The following EZH2 variants were observed in gnomAD, a reference collection of about 807,000 sequenced individuals.
The protein encoded by EZH2 is enhancer of zeste 2 polycomb repressive complex 2 subunit, also known as histone-lysine N-methyltransferase EZH2.
Under a neutral mutation model 98.4 loss-of-function variants are expected in EZH2, and 18 were observed. The observed-to-expected ratio is 0.18, with a 90% CI of 0.13 to 0.27. The LOEUF (loss-of-function observed/expected upper bound fraction) is 0.27. EZH2 is among the 10% of genes least tolerant of loss of function. EZH2 has a pLI of 1.00. For synonymous variants in EZH2, 338 were observed against 312.3 expected, an observed-to-expected ratio of 1.08 and a Z score of -0.87; for missense variants, 470 against 935.1, an observed-to-expected ratio of 0.50 and a Z score of 6.49.
intron 1 of EZH2, among the ~76,000 whole-genome samples, chr7:148,864,440 T>C (rs1393654155): frequency 2.0e-5 from 3 of 152,218 alleles, no homozygotes; most frequent in Non-Finnish European, 2.9e-5. Context: ...CCCAGCACTT[T>C]GGGAGGCTAA....
chr7:148,818,942 A>G (rs1805288567), intron 9 of EZH2: 2 of 429,896 alleles, frequency 4.7e-6, no homozygotes, highest in South Asian at 3.4e-5. Flanking sequence ...TTTATACTTC[A>G]TTCTACAAAA....
rs1354070612 is a variant in EZH2 at position 148,819,696 on chromosome 7, T to TA, written c.908-10dup. 2.5e-6 allele frequency: 4 copies of TA among 1,611,938 alleles called. No individual in the cohort carries two copies. The highest frequency in any genetic ancestry group is 1.7e-6 in the Non-Finnish European group (2 of 1,178,314). ...GGGTGTTGCATGAAAAGCTGCAAAA[T>TA]AAATGAAACAAAGAATCTAATATAA... On this transcript the variant is annotated splice_polypyrimidine_tract_variant and intron_variant, in intron 8 of 19. Coordinates refer to ENST00000320356, the MANE Select transcript of EZH2 (RefSeq NM_004456.5).
Position 148,884,241 on chromosome 7 carries a change from T to A in EZH2, c.-85A>T, listed in dbSNP as rs1234137926. 5.6e-6 allele frequency: 1 copy of A among 177,986 alleles called. No homozygotes were observed. The highest frequency in any genetic ancestry group is 2.4e-5 in the African/African-American group (1 of 42,070). The allele number at this position is 177,986 out of a possible 1,614,324, so 11.0% of individuals were successfully genotyped here. On this transcript the variant is annotated 5_prime_UTR_variant, in exon 1 of 20. Coordinates refer to ENST00000320356, the MANE Select transcript of EZH2 (RefSeq NM_004456.5). Reference sequence around the variant, plus strand: ...GCCGCCGCCGCCGCCGGGGCTCCACTGCCTTCTGAGTCCCACCGGGTGTCG... The same window carrying A: ...GCCGCCGCCGCCGCCGGGGCTCCACAGCCTTCTGAGTCCCACCGGGTGTCG...
intron 4 of EZH2, among the ~76,000 whole-genome samples, chr7:148,830,724 A>G (rs1484047680): frequency 6.6e-6 from 1 of 152,220 alleles, no homozygotes; most frequent in Admixed American, 6.5e-5. Context: ...GACAACAGAG[A>G]AGAAAGAAGA....
chr7:148,863,888 TACA>T (rs1459005469), intron 1 of EZH2, among the ~76,000 whole-genome samples: 30 of 152,244 alleles, frequency 2.0e-4, no homozygotes, highest in Admixed American at 1.4e-3. Flanking sequence ...ATGTGGAAAA[TACA>T]ACAGGTTTTA....
chr7:148,842,791 T>C (rs1164727243), intron 3 of EZH2, among the ~76,000 whole-genome samples: 1 of 150,966 alleles, frequency 6.6e-6, no homozygotes, highest in Non-Finnish European at 1.5e-5. Flanking sequence ...AAGGGACGGG[T>C]ATGGTGACTC....
intron 1 of EZH2, among the ~76,000 whole-genome samples, chr7:148,881,938 A>C (rs1332274228): frequency 7.1e-6 from 1 of 140,646 alleles, no homozygotes; most frequent in Non-Finnish European, 1.5e-5. Context: ...TGTCTCAAAA[A>C]AAAAAAAACA....
At chr7:148,813,318 TATC>T (rs1803668763) in intron 15 of EZH2, among the ~76,000 whole-genome samples, 1 of 130,356 alleles carries the variant, frequency 7.7e-6, no homozygotes, top group African/African-American at 3.1e-5. Flanking sequence ...AGAAAGAACT[TATC>T]ATCTGCCCTA....
At chr7:148,824,630 G>C (rs1807153508) in intron 8 of EZH2, among the ~76,000 whole-genome samples, 1 of 152,112 alleles carries the variant, frequency 6.6e-6, no homozygotes, top group Non-Finnish European at 1.5e-5. Flanking sequence ...ACATTTCTCA[G>C]AATGCATCTC....
At chr7:148,866,722 A>G (rs1172137147) in intron 1 of EZH2, among the ~76,000 whole-genome samples, 2 of 147,058 alleles carry the variant, frequency 1.4e-5, no homozygotes, top group Non-Finnish European at 3.0e-5. Flanking sequence ...ATATATATTT[A>G]TTCCTTTTGT....
rs1459861646 is a variant in EZH2 at position 148,814,095 on chromosome 7, T to G, written c.1715A>C (p.Asn572Thr). The change falls in exon 15 of 20, where the codon AAC becomes ACC. Residue 572 changes from asparagine (N) to threonine (T), a missense_variant. By Grantham distance (65) the Asn-to-Thr change is moderately conservative (BLOSUM62 0). Coordinates refer to ENST00000320356, the MANE Select transcript of EZH2 (RefSeq NM_004456.5). ...CAGGTAGCACGGGCACTGCTTGGTG[T>G]TGCACTGTGCTTTGCAGCGGCATCC... Reference protein sequence around the residue: ...FPGCRCKAQCNTKQCPCYLAV... With the variant: ...FPGCRCKAQCTTKQCPCYLAV... The G allele has an allele frequency of 1.2e-6, 2 of 1,614,012 alleles. No individual in the cohort carries two copies. Among genetic ancestry groups the G allele is most frequent in the Non-Finnish European group, 1.7e-6 (2 of 1,180,024 alleles).
intron 5 of EZH2, 132 bp from the exon 6 acceptor site, chr7:148,829,012 G>A: frequency 1.1e-6 from 1 of 911,500 alleles, no homozygotes; most frequent in East Asian, 2.7e-5. Context: ...GAAATGAGGG[G>A]AGGAAAAGAT....
chr7:148,879,679 C>T (rs1026246698), intron 1 of EZH2, among the ~76,000 whole-genome samples: 1 of 151,884 alleles, frequency 6.6e-6, no homozygotes, highest in African/African-American at 2.4e-5. Context: ...GACAGAGTGA[C>T]ACTGCATCTC....
intron 1 of EZH2, among the ~76,000 whole-genome samples, chr7:148,868,408 G>C (rs914601476): frequency 1.3e-5 from 2 of 152,198 alleles, no homozygotes; most frequent in Non-Finnish European, 2.9e-5. Flanking sequence ...GGGGAAGAGA[G>C]AGCAAAGTGG....
intron 1 of EZH2, among the ~76,000 whole-genome samples, chr7:148,879,911 C>T (rs1820725296): frequency 6.6e-6 from 1 of 151,922 alleles, no homozygotes; most frequent in African/African-American, 2.4e-5. Flanking sequence ...TTGAGATCAA[C>T]GTGGGCAACA....
In EZH2 at chr7:148,845,891, G is replaced by A. The variant is rs766664540; in HGVS notation, c.246+579C>T. On this transcript the variant is annotated intron_variant, in intron 3 of 19. Coordinates refer to ENST00000320356, the MANE Select transcript of EZH2 (RefSeq NM_004456.5). ...CATCTTGCTGCAATCATGTTTTAAC[G>A]GGATATTTAATTATAGATTCTACCA... Among the ~76,000 whole-genome samples the A allele has an allele frequency of 3.9e-5, 6 of 152,150 alleles. No individual in the cohort carries two copies. The East Asian group carries it at 9.6e-4, about 24-fold the overall frequency.
chr7:148,818,202 G>T (rs376717868), intron 9 of EZH2, 85 bp from the exon 10 acceptor site: 10 of 1,383,350 alleles, frequency 7.2e-6, no homozygotes, highest in Admixed American at 5.0e-5. Flanking sequence ...TATAAGCCAG[G>T]TTAGTCAAAA....
intron 15 of EZH2, among the ~76,000 whole-genome samples, chr7:148,813,059 A>ATG (rs1803566222): frequency 6.8e-6 from 1 of 148,086 alleles, no homozygotes; most frequent in African/African-American, 2.5e-5. Context: ...ACATACACAC[A>ATG]CACACACACA....
rs144795939 is a variant in EZH2 at position 148,825,012 on chromosome 7, T to G, written c.907+1442A>C. Reference sequence around the variant, plus strand: ...ATCTCTGAATGGCACAATAAAAAACTTGTAATGTTTAAAAGTAGTGTCCTA... The same window carrying G: ...ATCTCTGAATGGCACAATAAAAAACGTGTAATGTTTAAAAGTAGTGTCCTA... On this transcript the variant is annotated intron_variant, in intron 8 of 19. Coordinates refer to ENST00000320356, the MANE Select transcript of EZH2 (RefSeq NM_004456.5). Among the ~76,000 whole-genome samples the G allele has an allele frequency of 2.0e-5, 3 of 152,234 alleles. No homozygotes were observed. The East Asian group carries it at 5.8e-4, about 29-fold the overall frequency.
Sources: allele counts gnomAD v4.1 joint callset (sites outside exome capture counted in the v4.1 genomes callset), GRCh38; gene constraint gnomAD v4.1.1; transcripts MANE v1.5; gene names NCBI Gene and HGNC (gene_info 2026-07-23, HGNC 2026-07-21).